The following SGMS1 variants were observed in gnomAD, a reference collection of about 807,000 sequenced individuals.
SGMS1 encodes sphingomyelin synthase 1.
SGMS1 carries 13 observed loss-of-function variants against 46.2 expected under a neutral mutation model. The observed-to-expected ratio is 0.28, with a 90% CI of 0.18 to 0.45. The LOEUF (loss-of-function observed/expected upper bound fraction) is 0.45, where lower values mean the gene tolerates loss of function less well. Among genes scored for constraint, SGMS1 ranks in the 20% least tolerant of loss-of-function variants. The pLI is 1.00. For synonymous variants in SGMS1, 203 were observed against 187.8 expected, an observed-to-expected ratio of 1.08 and a Z score of -0.66; for missense variants, 324 against 519.9, an observed-to-expected ratio of 0.62 and a Z score of 3.66.
chr10:50,383,786 A>T (rs948137027), intron 6 of SGMS1, among the ~76,000 whole-genome samples: 2 of 151,968 alleles, frequency 1.3e-5, no homozygotes, highest in African/African-American at 2.4e-5. Flanking sequence ...AGGCACAAAG[A>T]TGCCATTTTT....
chr10:50,576,425 C>T (rs559175069), intron 2 of SGMS1, among the ~76,000 whole-genome samples: 1 of 152,344 alleles, frequency 6.6e-6, no homozygotes, highest in South Asian at 2.1e-4. Context: ...CAGCAGCCAC[C>T]ACAGCTGCCA....
At chr10:50,523,048 G>T (rs966262060) in intron 2 of SGMS1, among the ~76,000 whole-genome samples, 1 of 152,124 alleles carries the variant, frequency 6.6e-6, no homozygotes, top group Non-Finnish European at 1.5e-5. Flanking sequence ...AAGTGTTCAA[G>T]CAGGAAACCA....
chr10:50,395,833 G>T (rs1207101021), intron 6 of SGMS1, among the ~76,000 whole-genome samples: 1 of 152,144 alleles, frequency 6.6e-6, no homozygotes, highest in Non-Finnish European at 1.5e-5. Flanking sequence ...TATGGGTGGG[G>T]CTTGTGCAGG....
intron 6 of SGMS1, among the ~76,000 whole-genome samples, chr10:50,379,690 A>G (rs963986217): frequency 3.3e-5 from 5 of 152,234 alleles, no homozygotes; most frequent in African/African-American, 1.2e-4. Context: ...TCTCAAGTCC[A>G]GGACTTACAT....
rs137898158 is a variant in SGMS1, at chr10:50,385,443, T to C, written c.-231-41098A>G. Among the ~76,000 whole-genome samples, 436 of 152,316 alleles carry C rather than the reference T, an allele frequency of 2.9e-3. 3 individuals carry two copies. The highest frequency in any genetic ancestry group is 0.01 in the African/African-American group (416 of 41,568). Reference sequence around the variant, plus strand: ...GGTTTTTAACTTCCCTAGTCCTCTTTCCTTCAGTGTACCACAAAAACAAAG... The same window carrying C: ...GGTTTTTAACTTCCCTAGTCCTCTTCCCTTCAGTGTACCACAAAAACAAAG... On this transcript the variant is annotated intron_variant, in intron 6 of 10. Coordinates refer to ENST00000361781, the MANE Select transcript of SGMS1 (RefSeq NM_147156.4).
At chr10:50,404,553 T>C (rs113009451) in intron 6 of SGMS1, among the ~76,000 whole-genome samples, 65 of 152,268 alleles carry the variant, frequency 4.3e-4, no homozygotes, top group African/African-American at 1.4e-3. Context: ...CAATAAGCTA[T>C]GATTGTGCCA....
Position 50,307,356 on chromosome 10 carries a change from C to T in SGMS1, c.1063-35G>A, listed in dbSNP as rs1313353074. ...CAAAGAAACATAAACACATTTCTTACAATCTTTCACTTTAAGTTCAAATAC... is the reference window on the plus strand; with the variant it reads ...CAAAGAAACATAAACACATTTCTTATAATCTTTCACTTTAAGTTCAAATAC... On this transcript the variant is annotated intron_variant, in intron 10 of 10. Coordinates refer to ENST00000361781, the MANE Select transcript of SGMS1 (RefSeq NM_147156.4). This position sits in a 1 kb window ranked among gnomAD's most constrained non-coding sequence, Gnocchi z 4.2. The T allele has an allele frequency of 6.3e-7, 1 of 1,582,958 alleles. No homozygotes were observed. Among genetic ancestry groups the T allele is most frequent in the Non-Finnish European group, 8.6e-7 (1 of 1,158,936 alleles).
At chr10:50,606,129 G>A (rs1838692325) in intron 1 of SGMS1, among the ~76,000 whole-genome samples, 1 of 152,202 alleles carries the variant, frequency 6.6e-6, no homozygotes, top group African/African-American at 2.4e-5. Flanking sequence ...ACAAAATGTG[G>A]TATATCCATA....
At chr10:50,363,659 T>G (rs1436446007) in intron 6 of SGMS1, among the ~76,000 whole-genome samples, 1 of 152,204 alleles carries the variant, frequency 6.6e-6, no homozygotes, top group African/African-American at 2.4e-5. Flanking sequence ...GGATCTGCCC[T>G]TGCCTTTTAC....
intron 6 of SGMS1, among the ~76,000 whole-genome samples, chr10:50,414,993 C>A (rs1288521127): frequency 1.3e-5 from 2 of 152,192 alleles, no homozygotes; most frequent in Admixed American, 1.3e-4. Context: ...CTGATGCCGG[C>A]GCCTGTAGTC....
At chr10:50,345,697 A>G (rs1847903421) in intron 6 of SGMS1, among the ~76,000 whole-genome samples, 1 of 152,210 alleles carries the variant, frequency 6.6e-6, no homozygotes, top group Non-Finnish European at 1.5e-5. Flanking sequence ...ATGATACTCA[A>G]AGAATATGCT....
chr10:50,410,210 A>G (rs919358668), intron 6 of SGMS1, among the ~76,000 whole-genome samples: 9 of 152,180 alleles, frequency 5.9e-5, no homozygotes, highest in African/African-American at 1.9e-4. Context: ...CGTTTTCTAA[A>G]TTGCAATAAA....
chr10:50,562,629 C>T (rs1209134176), intron 2 of SGMS1, among the ~76,000 whole-genome samples: 1 of 152,134 alleles, frequency 6.6e-6, no homozygotes, highest in Non-Finnish European at 1.5e-5. Flanking sequence ...CTGCAAGCTC[C>T]GCCTCCCGGG....
intron 6 of SGMS1, among the ~76,000 whole-genome samples, chr10:50,383,077 C>A (rs749877922): frequency 3.9e-5 from 6 of 152,066 alleles, no homozygotes; most frequent in Non-Finnish European, 8.8e-5. Context: ...ATACTGAAGT[C>A]TTTTAATTGA....
intron 2 of SGMS1, among the ~76,000 whole-genome samples, chr10:50,530,927 CT>C (rs1314415328): frequency 2.6e-5 from 4 of 151,934 alleles, no homozygotes; most frequent in Admixed American, 2.6e-4. Context: ...AAATAAACAC[CT>C]TTTTCTTATT....
At chr10:50,562,774 G>C (rs1838252676) in intron 2 of SGMS1, among the ~76,000 whole-genome samples, 2 of 152,204 alleles carry the variant, frequency 1.3e-5, no homozygotes, top group East Asian at 1.9e-4. Flanking sequence ...TTGATCTCCT[G>C]ACCTCGTGAT....
chr10:50,310,077 G>A (rs771616407), intron 9 of SGMS1, among the ~76,000 whole-genome samples: 20 of 152,218 alleles, frequency 1.3e-4, no homozygotes, highest in Non-Finnish European at 2.6e-4. Flanking sequence ...ATGGGCACCC[G>A]ATCTACATCA....
chr10:50,600,376 G>A (rs1372476904), intron 1 of SGMS1, among the ~76,000 whole-genome samples: 1 of 152,134 alleles, frequency 6.6e-6, no homozygotes, highest in Non-Finnish European at 1.5e-5. Context: ...CTACAAAATG[G>A]GGACAATCAC....
At chr10:50,502,442 T>C (rs1437541026) in intron 3 of SGMS1, among the ~76,000 whole-genome samples, 1 of 152,078 alleles carries the variant, frequency 6.6e-6, no homozygotes, top group African/African-American at 2.4e-5. Flanking sequence ...CAGTTCCTTC[T>C]ACCTGCCCAT....
Sources: gnomAD v4.1 joint callset for allele counts (sites outside exome capture counted in the v4.1 genomes callset) on GRCh38, gnomAD v4.1.1 for gene constraint, Gnocchi (gnomAD v3.1) non-coding constraint, MANE v1.5 for transcripts, NCBI Gene and HGNC (gene_info 2026-07-23, HGNC 2026-07-21) for gene names.